The following JAKMIP3 variants were observed in gnomAD, a reference collection of about 807,000 sequenced individuals.
The protein encoded by JAKMIP3 is janus kinase and microtubule-interacting protein 3.
In JAKMIP3, 58 loss-of-function variants were observed where a neutral mutation model predicts 118.5. The observed-to-expected ratio is 0.49, with a 90% CI of 0.40 to 0.61. The LOEUF is 0.61. Ranked by LOEUF, JAKMIP3 falls within the 20% of genes least tolerant of loss-of-function variation. JAKMIP3 has a pLI of 0.00. For missense variants in JAKMIP3, 950 were observed against 1,109.0 expected (o/e 0.86, Z 2.04); for synonymous variants, 486 against 451.2 (o/e 1.08, Z -0.98).
At chr10:132,070,626 A>T (rs977858827) in intron 1 of JAKMIP3, among the ~76,000 whole-genome samples, 51 of 152,132 alleles carry the variant, frequency 3.4e-4, no homozygotes, top group South Asian at 6.2e-4. Flanking sequence ...TCCAAAGGGG[A>T]GGGGAGTCCA....
chr10:132,119,164 C>G, intron 3 of JAKMIP3, among the ~76,000 whole-genome samples: 1 of 151,424 alleles, frequency 6.6e-6, no homozygotes, highest in East Asian at 1.9e-4. Context: ...CACTCTCCAT[C>G]CTCGCCAGAT....
intron 2 of JAKMIP3, 81 bp from the exon 3 acceptor site, chr10:132,116,996 G>A (rs1303551335): frequency 1.4e-6 from 2 of 1,480,642 alleles, no homozygotes; most frequent in South Asian, 1.3e-5. Flanking sequence ...CAACGTGGAA[G>A]CTCCCCCAAA....
rs2038028718 is a variant in JAKMIP3, at chr10:132,049,202, C to T, written c.-138+12464C>T. Among the ~76,000 whole-genome samples the T allele has an allele frequency of 6.6e-6, 1 of 151,822 alleles. No individual in the cohort carries two copies. The highest frequency in any genetic ancestry group is 6.6e-5 in the Admixed American group (1 of 15,258). On this transcript the variant is annotated intron_variant, in intron 1 of 23. Transcript: ENST00000657785. The surrounding 1 kb of genome is among the most constrained non-coding windows in gnomAD (Gnocchi z 4.3). The stretch of plus-strand genomic sequence containing the variant: ...TTGATTTTCTAGCGGCTGGCGAGCT[C>T]TTTGCACCGTGGATTCGGGTCTGTT...
In JAKMIP3 at chr10:132,138,961, G is replaced by A. The variant is rs550199385; in HGVS notation, c.1344+783G>A. Among the ~76,000 whole-genome samples, 3 of 152,320 alleles carry A rather than the reference G, an allele frequency of 2.0e-5. No individual in the cohort carries two copies. The South Asian group carries it at 6.2e-4, about 32-fold the overall frequency. On this transcript the variant is annotated intron_variant, in intron 9 of 23. Coordinates refer to ENST00000684848, the MANE Select transcript of JAKMIP3 (RefSeq NM_001323087.2). The stretch of plus-strand genomic sequence containing the variant: ...CACCTGTCATCATTTCTCTACAGTA[G>A]AATCCTTTGTGATAAACCTATGATT...
intron 23 of JAKMIP3, among the ~76,000 whole-genome samples, chr10:132,180,115 T>C (rs997738144): frequency 4.6e-5 from 7 of 152,182 alleles, no homozygotes; most frequent in African/African-American, 1.4e-4. Flanking sequence ...TCACATTGTT[T>C]GCACAGTCTA....
At chr10:132,131,798 GGTGTCTGT>G (rs1431163713) in intron 3 of JAKMIP3, among the ~76,000 whole-genome samples, 3 of 152,068 alleles carry the variant, frequency 2.0e-5, no homozygotes, top group African/African-American at 7.2e-5. Context: ...TCTTCCCCCG[GGTGTCTGT>G]GTGGGTGCAG....
chr10:132,152,542 C>T (rs1390376333), intron 16 of JAKMIP3, among the ~76,000 whole-genome samples: 1 of 152,230 alleles, frequency 6.6e-6, no homozygotes, highest in Non-Finnish European at 1.5e-5. Context: ...GGTCTCTCCT[C>T]CACTGTTCCC....
At chr10:132,109,744 T>G (rs1180116757) in intron 2 of JAKMIP3, among the ~76,000 whole-genome samples, 3 of 152,230 alleles carry the variant, frequency 2.0e-5, no homozygotes, top group Admixed American at 2.0e-4. Flanking sequence ...AGGCTGTAGC[T>G]TCTGTGTGGT....
At chr10:132,107,551 C>T (rs1302936715) in intron 2 of JAKMIP3, among the ~76,000 whole-genome samples, 1 of 152,230 alleles carries the variant, frequency 6.6e-6, no homozygotes, top group African/African-American at 2.4e-5. Context: ...TGCCTCAGAG[C>T]TCCTCATCCT....
rs1265206332 is a variant in JAKMIP3 at position 132,044,238 on chromosome 10, T to G, written c.-138+7500T>G. Among the ~76,000 whole-genome samples the G allele has an allele frequency of 6.6e-6, 1 of 152,188 alleles. No individual in the cohort carries two copies. Among genetic ancestry groups the G allele is most frequent in the Non-Finnish European group, 1.5e-5 (1 of 68,038 alleles). ...CCTGCTCCAGTGCCCTTAGCAAACA[T>G]TTCCTAGACACGTCTCCTGGTCCAG... On this transcript the variant is annotated intron_variant, in intron 1 of 23. Transcript: ENST00000657785. This position sits in a 1 kb window ranked among gnomAD's most constrained non-coding sequence, Gnocchi z 5.3.
intron 23 of JAKMIP3, chr10:132,181,130 C>G (rs915486145): frequency 6.6e-6 from 1 of 152,194 alleles, no homozygotes; most frequent in Admixed American, 6.5e-5. Flanking sequence ...CAGAAAGTCT[C>G]CTGTTCTGGA....
At chr10:132,116,998 T>C in intron 2 of JAKMIP3, 79 bp from the exon 3 acceptor site, 1 of 1,477,240 alleles carries the variant, frequency 6.8e-7, no homozygotes, top group South Asian at 1.3e-5. Flanking sequence ...ACGTGGAAGC[T>C]CCCCCAAATG....
Position 132,180,544 on chromosome 10 carries a change from T to TGTGTGC in JAKMIP3, c.*1104-1812_*1104-1811insTGTGCG, listed in dbSNP as rs1269903177. Among the ~76,000 whole-genome samples, 2 of 25,994 alleles carry TGTGTGC rather than the reference T, an allele frequency of 7.7e-5. 1 individual carries two copies. The highest frequency in any genetic ancestry group is 1.3e-4 in the Non-Finnish European group (2 of 14,974). 17.1% of individuals were successfully genotyped at this position (25,994 alleles called of 152,430 possible). On this transcript the variant is annotated intron_variant, in intron 23 of 23. Transcript: ENST00000684848. ...AGAACTGTGTGTGTGTGTGTGTGTG[T>TGTGTGC]GCGTGCGTGCATGCGTGTGTGTGCG...
chr10:132,157,156 C>T (rs139667003), intron 19 of JAKMIP3, among the ~76,000 whole-genome samples: 84 of 152,288 alleles, frequency 5.5e-4, no homozygotes, highest in African/African-American at 1.9e-3. Flanking sequence ...CGTTCCTGTT[C>T]TCTGGACTCC....
intron 1 of JAKMIP3, among the ~76,000 whole-genome samples, chr10:132,045,731 C>T (rs552539800): frequency 3.3e-5 from 5 of 151,916 alleles, no homozygotes; most frequent in South Asian, 4.2e-4. Flanking sequence ...GAGTTCCAGA[C>T]GATATTGGAC....
In JAKMIP3 at chr10:132,118,104, TG is replaced by T. The variant is rs2048000893; in HGVS notation, c.633+532del. ...GATCAGGAGGCCCCGGGGGGTGGGA[TG>T]GCCCCCAGCTGCCCTGAGGTCCCTG... On this transcript the variant is annotated intron_variant, in intron 3 of 23. Coordinates refer to ENST00000684848, the MANE Select transcript of JAKMIP3 (RefSeq NM_001323087.2). This position sits in a 1 kb window ranked among gnomAD's most constrained non-coding sequence, Gnocchi z 4.8. Among the ~76,000 whole-genome samples the T allele has an allele frequency of 6.6e-6, 1 of 152,032 alleles. No individual in the cohort carries two copies. Among genetic ancestry groups the T allele is most frequent in the Admixed American group, 6.5e-5 (1 of 15,272 alleles).
chr10:132,144,824 G>T (rs1296295719), intron 11 of JAKMIP3: 2 of 345,470 alleles, frequency 5.8e-6, no homozygotes, highest in East Asian at 1.2e-4. Context: ...AGTTACTCAG[G>T]ATGGTGAGGT....
chr10:132,114,084 T>C (rs962930522), intron 2 of JAKMIP3, among the ~76,000 whole-genome samples: 4 of 152,262 alleles, frequency 2.6e-5, no homozygotes, highest in African/African-American at 9.6e-5. Context: ...AGACTGTGTC[T>C]AGACTAGTGG....
intron 23 of JAKMIP3, among the ~76,000 whole-genome samples, chr10:132,174,230 G>GC (rs1163179129): frequency 6.6e-6 from 1 of 152,170 alleles, no homozygotes; most frequent in Non-Finnish European, 1.5e-5. Flanking sequence ...CTGTGCAGTG[G>GC]CCCCTTCCTG....
Sources: allele counts gnomAD v4.1 joint callset (sites outside exome capture counted in the v4.1 genomes callset), GRCh38; gene constraint gnomAD v4.1.1; non-coding constraint Gnocchi (gnomAD v3.1); transcripts MANE v1.5; gene names NCBI Gene and HGNC (gene_info 2026-07-23, HGNC 2026-07-21).